The following ACOXL variants were observed in gnomAD, a reference collection of about 807,000 sequenced individuals.
ACOXL encodes acyl-coenzyme A oxidase-like protein.
ACOXL carries 70 observed loss-of-function variants against 71.9 expected under a neutral mutation model. The ratio of observed to expected loss-of-function variants is 0.97; its 90% confidence interval spans 0.80 to 1.19. The LOEUF (loss-of-function observed/expected upper bound fraction) is 1.19, where lower values mean the gene tolerates loss of function less well. Among genes scored for constraint, ACOXL ranks in the 50% most tolerant of loss-of-function variants. ACOXL has a pLI of 0.00. For missense variants in ACOXL, 703 were observed against 736.3 expected, an observed-to-expected ratio of 0.95 and a Z score of 0.52; for synonymous variants, 253 against 281.6, an observed-to-expected ratio of 0.90 and a Z score of 1.02.
chr2:110,936,692 A>G (rs2060675605), intron 12 of ACOXL, among the ~76,000 whole-genome samples: 1 of 152,200 alleles, frequency 6.6e-6, no homozygotes, highest in Admixed American at 6.5e-5. Context: ...ATAATTAAGG[A>G]TACAGATAAA....
chr2:110,913,986 TCCA>T, intron 11 of ACOXL, among the ~76,000 whole-genome samples: 1 of 152,206 alleles, frequency 6.6e-6, no homozygotes, highest in East Asian at 1.9e-4. Flanking sequence ...GGAGGGGACA[TCCA>T]AACTATATCA....
chr2:111,079,272 G>C (rs2067769100), intron 16 of ACOXL, among the ~76,000 whole-genome samples: 2 of 152,088 alleles, frequency 1.3e-5, no homozygotes, highest in Admixed American at 1.3e-4. Context: ...TCGACCTTCT[G>C]AGTCTCCATT....
At chr2:111,005,338 T>A (rs1014291576) in intron 14 of ACOXL, among the ~76,000 whole-genome samples, 6 of 152,230 alleles carry the variant, frequency 3.9e-5, no homozygotes, top group Middle Eastern at 3.2e-3. Flanking sequence ...CAGTAAATTC[T>A]TTGGAAACAA....
chr2:111,058,909 G>A (rs2066670930), intron 16 of ACOXL, among the ~76,000 whole-genome samples: 3 of 152,094 alleles, frequency 2.0e-5, no homozygotes, highest in Admixed American at 2.0e-4. Flanking sequence ...TCATCTTTGG[G>A]AAAATCTTTC....
At chr2:110,892,756 C>G (rs1698064488) in intron 10 of ACOXL, among the ~76,000 whole-genome samples, 1 of 152,146 alleles carries the variant, frequency 6.6e-6, no homozygotes, top group Admixed American at 6.5e-5. Flanking sequence ...TATTAACTTC[C>G]TGGCAGATTA....
chr2:111,014,131 T>C (rs577000223), intron 14 of ACOXL, among the ~76,000 whole-genome samples: 2 of 152,260 alleles, frequency 1.3e-5, no homozygotes, highest in African/African-American at 4.8e-5. Flanking sequence ...TCATACCTAA[T>C]AGTGAAATAT....
At chr2:110,756,266 A>G (rs902096663) in intron 1 of ACOXL, among the ~76,000 whole-genome samples, 13 of 152,094 alleles carry the variant, frequency 8.5e-5, no homozygotes, top group African/African-American at 3.1e-4. Context: ...AGCTGGGATT[A>G]CAGGTGCCCG....
intron 14 of ACOXL, among the ~76,000 whole-genome samples, chr2:111,026,054 A>G (rs1003286761): frequency 4.6e-5 from 7 of 152,326 alleles, no homozygotes; most frequent in African/African-American, 1.7e-4. Flanking sequence ...ACCTTTGTAG[A>G]AAATCAGTAG....
chr2:111,041,464 G>A (rs556028589), intron 15 of ACOXL, among the ~76,000 whole-genome samples: 4 of 152,302 alleles, frequency 2.6e-5, no homozygotes, highest in Admixed American at 2.6e-4. Flanking sequence ...GAGCGTTAGT[G>A]TCAAAGTTGT....
rs767391316 is a variant in ACOXL, at chr2:110,798,740, A to C, written c.460+16A>C. Reference sequence around the variant, plus strand: ...AGATCTCAAGGTTTGTTACCAATACAGACAACTAGAATAATTCTCTTCATT... The same window carrying C: ...AGATCTCAAGGTTTGTTACCAATACCGACAACTAGAATAATTCTCTTCATT... On this transcript the variant is annotated intron_variant, in intron 6 of 17. Coordinates refer to ENST00000439055, the MANE Select transcript of ACOXL (RefSeq NM_001142807.4). 6.2e-7 allele frequency: 1 copy of C among 1,600,386 alleles called. No homozygotes were observed. Among genetic ancestry groups the C allele is most frequent in the African/African-American group, 1.3e-5 (1 of 74,656 alleles).
At chr2:110,830,336 C>T (rs1034684772) in intron 9 of ACOXL, among the ~76,000 whole-genome samples, 8 of 152,070 alleles carry the variant, frequency 5.3e-5, no homozygotes, top group African/African-American at 1.4e-4. Flanking sequence ...ACATATTGTA[C>T]GCATCTACAT....
intron 1 of ACOXL, among the ~76,000 whole-genome samples, chr2:110,767,934 A>G (rs1020002964): frequency 2.8e-5 from 3 of 108,082 alleles, no homozygotes; most frequent in African/African-American, 1.1e-4. Context: ...ACACACACAC[A>G]CACACACACA....
chr2:110,767,972 AC>A (rs1681328335), intron 1 of ACOXL, among the ~76,000 whole-genome samples: 4 of 145,224 alleles, frequency 2.8e-5, no homozygotes, highest in East Asian at 2.0e-4. Flanking sequence ...ACACACACAC[AC>A]ACACACAAAT....
intron 12 of ACOXL, among the ~76,000 whole-genome samples, chr2:110,942,959 G>GAAAAGA (rs1174659479): frequency 4.0e-5 from 4 of 99,582 alleles, no homozygotes; most frequent in African/African-American, 1.5e-4. Flanking sequence ...AAAGAAGAAA[G>GAAAAGA]AAAAGAAAAA....
At chr2:110,809,347 T>C (rs576031917) in intron 9 of ACOXL, among the ~76,000 whole-genome samples, 28 of 152,314 alleles carry the variant, frequency 1.8e-4, no homozygotes, top group African/African-American at 6.7e-4. Context: ...CAGAGTCACA[T>C]GCAGCAGCTG....
At chr2:111,042,157 G>A (rs925904795) in intron 15 of ACOXL, among the ~76,000 whole-genome samples, 2 of 152,210 alleles carry the variant, frequency 1.3e-5, no homozygotes, top group Non-Finnish European at 2.9e-5. Context: ...CCCCCATTAC[G>A]TTCCCATCCC....
intron 14 of ACOXL, among the ~76,000 whole-genome samples, chr2:111,024,214 T>C (rs775259414): frequency 6.6e-6 from 1 of 152,098 alleles, no homozygotes; most frequent in African/African-American, 2.4e-5. Flanking sequence ...AGGTTGTAGA[T>C]TGAATTCTGT....
At chr2:110,882,486 T>C (rs899519658) in intron 10 of ACOXL, among the ~76,000 whole-genome samples, 2 of 152,178 alleles carry the variant, frequency 1.3e-5, no homozygotes, top group Admixed American at 6.5e-5. Context: ...ACCCAACATA[T>C]TATTTTTTTT....
intron 15 of ACOXL, among the ~76,000 whole-genome samples, chr2:111,047,971 A>G (rs945956102): frequency 1.3e-5 from 2 of 152,268 alleles, no homozygotes; most frequent in Non-Finnish European, 2.9e-5. Context: ...AAGGAATTCT[A>G]TTTTAGAGTA....
Sources: allele counts gnomAD v4.1 joint callset (sites outside exome capture counted in the v4.1 genomes callset), GRCh38; gene constraint gnomAD v4.1.1; transcripts MANE v1.5; gene names NCBI Gene and HGNC (gene_info 2026-07-23, HGNC 2026-07-21).